The following TRPM3 variants were observed in gnomAD, a reference collection of about 807,000 sequenced individuals.
TRPM3 encodes the protein transient receptor potential cation channel subfamily M member 3.
In TRPM3, 77 loss-of-function variants were observed where a neutral mutation model predicts 181.2. The observed-to-expected ratio is 0.42, with a 90% CI of 0.35 to 0.51. The LOEUF (loss-of-function observed/expected upper bound fraction) is 0.51. Ranked by LOEUF, TRPM3 falls within the 20% of genes least tolerant of loss-of-function variation. The pLI, the probability that TRPM3 is intolerant of heterozygous loss-of-function variation, is 0.01. For missense variants in TRPM3, 1,759 were observed against 2,196.7 expected (o/e 0.80, Z 3.98); for synonymous variants, 745 against 796.4 (o/e 0.94, Z 1.09).
At chr9:71,377,579 A>T (rs2092696478) in intron 1 of TRPM3, among the ~76,000 whole-genome samples, 1 of 152,048 alleles carries the variant, frequency 6.6e-6, no homozygotes, top group Non-Finnish European at 1.5e-5. Flanking sequence ...TTGGTATGTT[A>T]TTCTCCAGGT....
intron 1 of TRPM3, among the ~76,000 whole-genome samples, chr9:71,015,261 T>G (rs2097775549): frequency 6.6e-6 from 1 of 152,194 alleles, no homozygotes; most frequent in Non-Finnish European, 1.5e-5. Flanking sequence ...GTTCGGTCGC[T>G]TTGACAACTT....
At chr9:70,841,538 A>G (rs1375698315) in intron 5 of TRPM3, among the ~76,000 whole-genome samples, 1 of 149,298 alleles carries the variant, frequency 6.7e-6, no homozygotes, top group Non-Finnish European at 1.5e-5. Flanking sequence ...TTATATATTT[A>G]TTGCAGCACA....
intron 6 of TRPM3, among the ~76,000 whole-genome samples, chr9:70,790,458 A>G (rs538160304): frequency 6.6e-5 from 10 of 152,188 alleles, no homozygotes; most frequent in Non-Finnish European, 1.5e-4. Context: ...ACAGTTAGCA[A>G]TTCCTTGCCT....
intron 9 of TRPM3, among the ~76,000 whole-genome samples, chr9:70,660,834 C>T (rs1259224931): frequency 6.6e-6 from 1 of 152,088 alleles, no homozygotes; most frequent in African/African-American, 2.4e-5. Flanking sequence ...GATGGATTTA[C>T]AGCTGAATTC....
chr9:70,686,119 T>A (rs917917413), intron 8 of TRPM3, among the ~76,000 whole-genome samples: 1 of 151,426 alleles, frequency 6.6e-6, no homozygotes, highest in South Asian at 2.1e-4. Flanking sequence ...TGTGTATATA[T>A]ACACACACAT....
At chr9:71,323,189 C>A (rs1025239102) in intron 1 of TRPM3, among the ~76,000 whole-genome samples, 2 of 151,572 alleles carry the variant, frequency 1.3e-5, no homozygotes, top group African/African-American at 4.8e-5. Flanking sequence ...TCAGAAACAC[C>A]ATTACAGTAG....
intron 1 of TRPM3, among the ~76,000 whole-genome samples, chr9:71,322,126 T>C (rs1252043091): frequency 1.3e-5 from 2 of 152,156 alleles, no homozygotes; most frequent in African/African-American, 4.8e-5. Context: ...ATAGACAACT[T>C]GGATTTTGTG....
intron 1 of TRPM3, among the ~76,000 whole-genome samples, chr9:70,874,242 G>A (rs1205987065): frequency 1.3e-5 from 2 of 151,742 alleles, no homozygotes; most frequent in Non-Finnish European, 1.5e-5. Context: ...TTGGAAATTT[G>A]TTTCTTCATT....
chr9:70,537,140 C>T lies in TRPM3; in HGVS notation c.3973G>A (p.Glu1325Lys), dbSNP rs896361617. Residue 1325 changes from glutamate (E) to lysine (K), a missense_variant, in exon 26 of 26, where the codon GAG (glutamate) becomes AAG (lysine). Around this residue, in one of 8 missense-constraint regions of TRPM3, gnomAD observed 612 missense variants for 590.0 expected, o/e 1.04. Coordinates refer to ENST00000677713, the MANE Select transcript of TRPM3 (RefSeq NM_001366145.2). ...TCCTCACCTGCAGGGTCTATACTCT[C>T]TTGGAGCTTGAAGGTGTTCCCTTCC... The part of the protein sequence containing the change: ...SQEGNTFKLQ[E>K]SIDPAGEETM... The T allele has an allele frequency of 6.3e-7, 1 of 1,594,430 alleles. No individual in the cohort carries two copies. The highest frequency in any genetic ancestry group is 8.6e-7 in the Non-Finnish European group (1 of 1,165,270).
chr9:70,806,060 C>T (rs2090600857), intron 6 of TRPM3, among the ~76,000 whole-genome samples: 1 of 152,176 alleles, frequency 6.6e-6, no homozygotes, highest in South Asian at 2.1e-4. Flanking sequence ...TGCCTCGTTC[C>T]AGCAGGAATT....
chr9:70,530,568 T>G lies in TRPM3; in HGVS notation c.*5385A>C, dbSNP rs1196681556. Reference sequence around the variant, plus strand: ...AAGGGAAAATTCACCTCATTCTTATTGCCATCTGGATTACCTGGTCACCAA... The same window carrying G: ...AAGGGAAAATTCACCTCATTCTTATGGCCATCTGGATTACCTGGTCACCAA... On this transcript the variant is annotated 3_prime_UTR_variant, in exon 26 of 26. Coordinates refer to ENST00000677713, the MANE Select transcript of TRPM3 (RefSeq NM_001366145.2). The G allele has an allele frequency of 6.6e-6, 1 of 152,246 alleles. No individual in the cohort carries two copies. The highest frequency in any genetic ancestry group is 1.5e-5 in the Non-Finnish European group (1 of 68,050). The allele number at this position is 152,246 out of a possible 1,614,324, so 9.4% of individuals were successfully genotyped here. A position where few individuals can be genotyped will look rare whatever the true frequency, so the allele number is the denominator to read the frequency against.
At chr9:71,231,526 G>A (rs2209912) in intron 1 of TRPM3, among the ~76,000 whole-genome samples, 150,790 of 152,302 alleles carry the variant, frequency 0.99, 74,658 homozygotes, top group East Asian at 1. Flanking sequence ...TGAGAGAACA[G>A]ATCTGTGCTC....
chr9:71,080,737 C>T (rs1399920439), intron 1 of TRPM3, among the ~76,000 whole-genome samples: 1 of 152,118 alleles, frequency 6.6e-6, no homozygotes, highest in African/African-American at 2.4e-5. Flanking sequence ...GGAAGTGCAA[C>T]ATTAAATAGC....
chr9:71,018,987 C>G (rs2134470680), intron 1 of TRPM3, among the ~76,000 whole-genome samples: 1 of 151,852 alleles, frequency 6.6e-6, no homozygotes, highest in East Asian at 1.9e-4. Context: ...GTTTAATATT[C>G]AAAATTATAT....
intron 1 of TRPM3, among the ~76,000 whole-genome samples, chr9:71,264,253 C>T (rs949956435): frequency 6.6e-6 from 1 of 152,086 alleles, no homozygotes; most frequent in African/African-American, 2.4e-5. Flanking sequence ...GGAAGAAAAA[C>T]GCATTGTGGA....
At chr9:71,285,500 A>G (rs960236070) in intron 1 of TRPM3, among the ~76,000 whole-genome samples, 2 of 152,162 alleles carry the variant, frequency 1.3e-5, no homozygotes, top group African/African-American at 2.4e-5. Flanking sequence ...TGTGGCAGAA[A>G]TGTCTTGCTC....
At position 71,404,817 on chromosome 9, in the gene TRPM3, A is replaced by G. The variant is rs192164752; in HGVS notation, c.183+41836T>C. 3.8e-3 allele frequency among the ~76,000 whole-genome samples: 577 copies of G among 152,264 alleles called. 4 individuals are homozygous for G. The highest frequency in any genetic ancestry group is 3.1e-3 in the Non-Finnish European group (212 of 68,024). On this transcript the variant is annotated intron_variant, in intron 1 of 24. Transcript: ENST00000357533. ...AATTTCTTCTGCTTTGTCACAAACC[A>G]GGTCCTTTTGTACCTCTACAGCTTT...
chr9:71,173,097 T>C (rs1049694442), intron 1 of TRPM3, among the ~76,000 whole-genome samples: 2 of 152,210 alleles, frequency 1.3e-5, no homozygotes, highest in African/African-American at 2.4e-5. Flanking sequence ...TTGTCAATGA[T>C]GCCTTATGTA....
At chr9:71,186,228 G>T (rs1382218299) in intron 1 of TRPM3, among the ~76,000 whole-genome samples, 1 of 151,890 alleles carries the variant, frequency 6.6e-6, no homozygotes. Context: ...TGCAATTACC[G>T]TATTTCCAAG....
Sources: allele counts gnomAD v4.1 joint callset (sites outside exome capture counted in the v4.1 genomes callset), GRCh38; gene constraint gnomAD v4.1.1; regional missense constraint gnomAD v4.1.1; transcripts MANE v1.5; gene names NCBI Gene and HGNC (gene_info 2026-07-23, HGNC 2026-07-21).